Variants in PEX26 observed in about 807,000 individuals in gnomAD.
The protein encoded by PEX26 is peroxisomal biogenesis factor 26.
In PEX26, 18 loss-of-function variants were observed where a neutral mutation model predicts 31.4. The ratio of observed to expected loss-of-function variants is 0.57; its 90% CI spans 0.40 to 0.85. The LOEUF (loss-of-function observed/expected upper bound fraction) is 0.85. Among genes scored for constraint, PEX26 ranks in the 40% least tolerant of loss-of-function variants. The probability of loss-of-function intolerance (pLI) is 0.00; values close to 1 mark genes in which losing one functional copy is unlikely to be tolerated. For missense variants in PEX26, 377 were observed against 383.9 expected, an observed-to-expected ratio of 0.98 and a Z score of 0.15; for synonymous variants, 176 against 166.9, an observed-to-expected ratio of 1.05 and a Z score of -0.42.
intron 2 of PEX26, 95 bp downstream of exon 2, chr22:18,080,109 T>C: frequency 7.4e-7 from 1 of 1,349,732 alleles, no homozygotes; most frequent in East Asian, 2.4e-5. Context: ...TTCCCTACTA[T>C]TGCCCTCCAG....
In PEX26 at chr22:18,080,286, G is replaced by A. The variant is rs17809735; in HGVS notation, c.371+272G>A. On this transcript the variant is annotated intron_variant, in intron 2 of 4. Coordinates refer to ENST00000399744, the MANE Select transcript of PEX26 (RefSeq NM_001127649.3). The stretch of plus-strand genomic sequence containing the variant: ...CAGAGCTGAAAGAGCAGCTTGCTAC[G>A]TCCTAGGAATTCCTAATTCTTAAAA... Among the ~76,000 whole-genome samples the A allele has an allele frequency of 0.081, 12,387 of 152,216 alleles. 597 individuals are homozygous for A. The highest frequency in any genetic ancestry group is 0.17 in the East Asian group (901 of 5,178).
intron 1 of PEX26, chr22:18,079,280 T>C: frequency 3.1e-6 from 3 of 979,788 alleles, no homozygotes; most frequent in Non-Finnish European, 3.6e-6. Flanking sequence ...TTCTTTGCAT[T>C]GTAAACTTGG....
rs1927292164 is a variant in PEX26, at chr22:18,096,387, A to G, written c.*8312A>G. The G allele has an allele frequency of 1.3e-5, 2 of 151,968 alleles. No homozygotes were observed. 9.4% of individuals were successfully genotyped at this position (151,968 alleles called of 1,614,324 possible). On this transcript the variant is annotated 3_prime_UTR_variant, in exon 5 of 5. Coordinates refer to ENST00000399744, the MANE Select transcript of PEX26 (RefSeq NM_001127649.3). ...GGCAGCACTTCTGATTCCTGTTCTT[A>G]GCCTAGGAACTAGGCTTTGCAAATG...
At chr22:18,086,890 A>ATTTATT (rs987017539) in intron 4 of PEX26, among the ~76,000 whole-genome samples, 1 of 151,120 alleles carries the variant, frequency 6.6e-6, no homozygotes, top group African/African-American at 2.4e-5. Context: ...ATATTTATTT[A>ATTTATT]TTTATTTTTA....
chr22:18,085,281 T>C (rs368655344), intron 4 of PEX26, 23 bp downstream of exon 4: 156 of 1,613,196 alleles, frequency 9.7e-5, no homozygotes, highest in Non-Finnish European at 1.2e-4. Context: ...GACTCTCCCC[T>C]GTCCTTCCTG....
At chr22:18,081,245 T>TACACACACACACAC (rs59081749) in intron 2 of PEX26, among the ~76,000 whole-genome samples, 5,216 of 138,072 alleles carry the variant, frequency 0.038, 137 homozygotes, top group South Asian at 0.059. Flanking sequence ...TGTACACATA[T>TACACACACACACAC]ACACACACAC....
rs751725419 is a variant in PEX26, at chr22:18,101,666, C to A, written c.*13591C>A. The A allele has an allele frequency of 2.7e-5, 7 of 255,276 alleles. No individual in the cohort carries two copies. The highest frequency in any genetic ancestry group is 5.2e-5 in the Non-Finnish European group (7 of 134,894). 15.8% of individuals were successfully genotyped at this position (255,276 alleles called of 1,614,324 possible). A position where few individuals can be genotyped will look rare whatever the true frequency, so the allele number is the denominator to read the frequency against. ...AAGGCTCAGAGTAGCTGTGCAATGACTTGTGTCAAAACCCGATCCAGAGCA... is the reference window on the plus strand; with the variant it reads ...AAGGCTCAGAGTAGCTGTGCAATGAATTGTGTCAAAACCCGATCCAGAGCA... On this transcript the variant is annotated 3_prime_UTR_variant, in exon 5 of 5. Coordinates refer to ENST00000399744, the MANE Select transcript of PEX26 (RefSeq NM_001127649.3).
In PEX26 at chr22:18,078,515, G is replaced by A; in HGVS notation, c.139G>A (p.Val47Met). Residue 47 changes from valine (V) to methionine (M), a missense_variant, in exon 1 of 5, where the codon GTG (valine) becomes ATG (methionine). By Grantham distance (21) the Val-to-Met change is conservative. Coordinates refer to ENST00000399744, the MANE Select transcript of PEX26 (RefSeq NM_001127649.3). The part of the protein sequence containing the change: ...LLEEAADLLV[V>M]HLDFRAALET... The stretch of plus-strand genomic sequence containing the variant: ...GGAGGAGGCGGCCGACCTCCTGGTG[G>A]TGCACCTGGACTTCCGGGCGGCGCT... The A allele has an allele frequency of 6.4e-7, 1 of 1,572,818 alleles. No homozygotes were observed.
intron 3 of PEX26, 152 bp downstream of exon 3, chr22:18,083,884 C>T: frequency 1.3e-6 from 1 of 766,312 alleles, no homozygotes; most frequent in Non-Finnish European, 2.2e-6. Flanking sequence ...TGATTTGCTT[C>T]ACAAAGTGAA....
chr22:18,088,190 G>A lies in PEX26; in HGVS notation c.*115G>A, dbSNP rs760481505. 12 of 794,410 alleles carry A rather than the reference G, an allele frequency of 1.5e-5. No individual in the cohort carries two copies. The highest frequency in any genetic ancestry group is 3.5e-5 in the Admixed American group (2 of 57,568). The allele number at this position is 794,410 out of a possible 1,614,324, so 49.2% of individuals were successfully genotyped here. A position where few individuals can be genotyped will look rare whatever the true frequency, so the allele number is the denominator to read the frequency against. On this transcript the variant is annotated 3_prime_UTR_variant, in exon 5 of 5. Transcript: ENST00000399744. The surrounding 1 kb of genome is among the most constrained non-coding windows in gnomAD (Gnocchi z 4.1). Reference sequence around the variant, plus strand: ...GGAAATGGGACCAGCCTAATCTCGCGGAGTGCACTGTGTCTTGCTGCCTGG... The same window carrying A: ...GGAAATGGGACCAGCCTAATCTCGCAGAGTGCACTGTGTCTTGCTGCCTGG...
chr22:18,096,171 G>C lies in PEX26; in HGVS notation c.*8096G>C, dbSNP rs1319956188. On this transcript the variant is annotated 3_prime_UTR_variant, in exon 5 of 5. Coordinates refer to ENST00000399744, the MANE Select transcript of PEX26 (RefSeq NM_001127649.3). The stretch of plus-strand genomic sequence containing the variant: ...CTTTGACCTTCAAATAATCTTTCCT[G>C]TGCCTCAGTTACTTCATAGGTTTGT... 1.3e-5 allele frequency: 2 copies of C among 152,038 alleles called. No individual in the cohort carries two copies. The highest frequency in any genetic ancestry group is 1.5e-5 in the Non-Finnish European group (1 of 68,048). The allele number at this position is 152,038 out of a possible 1,614,324, so 9.4% of individuals were successfully genotyped here. A position where few individuals can be genotyped will look rare whatever the true frequency, so the allele number is the denominator to read the frequency against.
In PEX26 at chr22:18,088,112, T is replaced by A. The variant is rs1440470676; in HGVS notation, c.*37T>A. On this transcript the variant is annotated 3_prime_UTR_variant, in exon 5 of 5. Coordinates refer to ENST00000399744, the MANE Select transcript of PEX26 (RefSeq NM_001127649.3). The surrounding 1 kb of genome is among the most constrained non-coding windows in gnomAD (Gnocchi z 4.1). ...CACCACAGCCTCTCTGCTCCTCACG[T>A]CCGTGGCCACAGAAGCAGAGCGACA... 7.3e-7 allele frequency: 1 copy of A among 1,365,320 alleles called. No individual in the cohort carries two copies. Among genetic ancestry groups the A allele is most frequent in the Admixed American group, 1.7e-5 (1 of 59,706 alleles). 84.6% of individuals were successfully genotyped at this position (1,365,320 alleles called of 1,614,324 possible). A position where few individuals can be genotyped will look rare whatever the true frequency, so the allele number is the denominator to read the frequency against.
rs774393110 is a variant in PEX26, at chr22:18,078,406, C to T, written c.30C>T (p.Ala10=). ...AGAGCGATTCTTCGACCTCTGCAGCCCCCCTCAGGGGGCTCGGGGGACCCC... is the reference window on the plus strand; with the variant it reads ...AGAGCGATTCTTCGACCTCTGCAGCTCCCCTCAGGGGGCTCGGGGGACCCC... MKSDSSTSA[A]PLRGLGGPLR... Residue 10 remains alanine, a synonymous_variant, in exon 1 of 5, where the codon GCC becomes GCT. Transcript: ENST00000399744. The T allele has an allele frequency of 2.5e-6, 4 of 1,598,744 alleles. No individual in the cohort carries two copies. Among genetic ancestry groups the T allele is most frequent in the African/African-American group, 2.7e-5 (2 of 74,708 alleles).
rs1209372094 is a variant in PEX26 at position 18,097,315 on chromosome 22, G to A, written c.*9240G>A. ...GCCTCACTCTGTCGCCCAGGCTGGA[G>A]TGCAGGGGTGTGATCTCGGCTCACT... On this transcript the variant is annotated 3_prime_UTR_variant, in exon 5 of 5. Coordinates refer to ENST00000399744, the MANE Select transcript of PEX26 (RefSeq NM_001127649.3). 6.6e-6 allele frequency: 1 copy of A among 151,502 alleles called. No homozygotes were observed. The highest frequency in any genetic ancestry group is 1.5e-5 in the Non-Finnish European group (1 of 67,974). 9.4% of individuals were successfully genotyped at this position (151,502 alleles called of 1,614,324 possible). A position where few individuals can be genotyped will look rare whatever the true frequency, so the allele number is the denominator to read the frequency against.
In PEX26 at chr22:18,085,197, C is replaced by T; in HGVS notation, c.753C>T (p.Pro251=). The change falls in exon 4 of 5, where the codon CCC becomes CCT. Residue 251 remains proline (P), a synonymous_variant. Transcript: ENST00000399744. ...CGGTGAGCCACTTCTTTTCTCTGCC[C>T]TTCAAAAAGAGTCTCCTGGCTGCCT... ...DSAVSHFFSL[P]FKKSLLAALI... The T allele has an allele frequency of 1.2e-6, 2 of 1,614,134 alleles. No homozygotes were observed. The highest frequency in any genetic ancestry group is 1.1e-5 in the South Asian group (1 of 91,078).
At position 18,083,614 on chromosome 22, in the gene PEX26, C is replaced by A; in HGVS notation, c.549C>A (p.Gly183=). The change falls in exon 3 of 5, where the codon GGC becomes GGA. Residue 183 remains glycine (G), a synonymous_variant. Transcript: ENST00000399744. ...CLSEAEELVV[G]SAAFGEERRL... is the part of the protein sequence containing the mutation. ...CGGAGGCTGAGGAGCTAGTGGTGGGCTCTGCAGCCTTTGGTGAGGAGCGGC... is the reference window on the plus strand; with the variant it reads ...CGGAGGCTGAGGAGCTAGTGGTGGGATCTGCAGCCTTTGGTGAGGAGCGGC... 1 of 1,614,106 alleles carries A rather than the reference C, an allele frequency of 6.2e-7. No individual in the cohort carries two copies. The highest frequency in any genetic ancestry group is 8.5e-7 in the Non-Finnish European group (1 of 1,180,004).
intron 4 of PEX26, 149 bp downstream of exon 4, chr22:18,085,407 G>A: frequency 1.2e-6 from 1 of 842,806 alleles, no homozygotes; most frequent in Non-Finnish European, 1.9e-6. Flanking sequence ...AGGAGGAATT[G>A]CTAGACTGGG....
At chr22:18,084,621 A>T (rs1455029706) in intron 3 of PEX26, among the ~76,000 whole-genome samples, 1 of 152,230 alleles carries the variant, frequency 6.6e-6, no homozygotes, top group Admixed American at 6.5e-5. Context: ...CAAAATAAGT[A>T]ATAAACACGA....
rs570697749 is a variant in PEX26, at chr22:18,104,902, T to G, written c.*16827T>G. The G allele has an allele frequency of 4.6e-4, 70 of 152,316 alleles. 2 individuals carry two copies. The highest frequency in any genetic ancestry group is 1.6e-3 in the African/African-American group (66 of 41,554). 9.4% of individuals were successfully genotyped at this position (152,316 alleles called of 1,614,324 possible). On this transcript the variant is annotated 3_prime_UTR_variant, in exon 5 of 5. Coordinates refer to ENST00000399744, the MANE Select transcript of PEX26 (RefSeq NM_001127649.3). ...ATCCAGTGGCCAAAATGGTTCACCC[T>G]CAACTTCCCTTAATCCCCTGCAGCA...
Sources: gnomAD v4.1 joint callset for allele counts (sites outside exome capture counted in the v4.1 genomes callset) on GRCh38, gnomAD v4.1.1 for gene constraint, Gnocchi (gnomAD v3.1) non-coding constraint, MANE v1.5 for transcripts, NCBI Gene and HGNC (gene_info 2026-07-23, HGNC 2026-07-21) for gene names.